OPHN1: variants seen among roughly 807,000 people sequenced by gnomAD.
The protein encoded by OPHN1 is oligophrenin-1.
A neutral mutation model predicts 60.7 loss-of-function variants in OPHN1; 11 were observed. That is an observed-to-expected ratio of 0.18 (90% CI 0.11 to 0.30). The LOEUF (loss-of-function observed/expected upper bound fraction) is 0.30, where lower values mean the gene tolerates loss of function less well. Ranked by LOEUF, OPHN1 falls within the 10% of genes least tolerant of loss-of-function variation. OPHN1 has a pLI of 1.00. For missense variants in OPHN1, 449 were observed against 611.0 expected (o/e 0.73, Z 2.80); for synonymous variants, 226 against 222.6 (o/e 1.02, Z -0.14).
At chrX:68,247,161 A>G (rs2077810265) in intron 5 of OPHN1, among the ~76,000 whole-genome samples, 1 of 111,238 alleles carries the variant, frequency 9.0e-6, no homozygotes, top group Non-Finnish European at 1.9e-5. Context: ...AAGAAGATGT[A>G]TCATCTTCTC....
At chrX:68,424,747 C>T (rs994648386) in intron 2 of OPHN1, among the ~76,000 whole-genome samples, 2 of 111,769 alleles carry the variant, frequency 1.8e-5, no homozygotes, top group Non-Finnish European at 3.8e-5. Context: ...TGGCACCATC[C>T]TCTACTCCCA....
intron 2 of OPHN1, among the ~76,000 whole-genome samples, chrX:68,322,366 C>A (rs2078239612): frequency 8.9e-6 from 1 of 111,751 alleles, no homozygotes; most frequent in Non-Finnish European, 1.9e-5. Flanking sequence ...GCACAAAATC[C>A]TCTACAGGAA....
intron 15 of OPHN1, among the ~76,000 whole-genome samples, chrX:68,153,219 A>G (rs1317864902): frequency 5.5e-5 from 6 of 109,604 alleles, no homozygotes; most frequent in South Asian, 3.9e-4. Context: ...TCAAAAAAAA[A>G]AAAAAAAGAA....
chrX:68,296,938 C>G (rs2078098711), intron 3 of OPHN1, among the ~76,000 whole-genome samples: 1 of 111,043 alleles, frequency 9.0e-6, no homozygotes, highest in African/African-American at 3.3e-5. Context: ...GCTCACACAC[C>G]CTTTTTCCTG....
chrX:68,377,912 G>C (rs1439407833), intron 2 of OPHN1, among the ~76,000 whole-genome samples: 2 of 111,709 alleles, frequency 1.8e-5, no homozygotes, highest in Non-Finnish European at 3.8e-5. Flanking sequence ...TTTCTTTATA[G>C]CAGCATGATT....
chrX:68,192,472 C>CAA (rs11288704), intron 15 of OPHN1, among the ~76,000 whole-genome samples: 8,408 of 89,591 alleles, frequency 0.094, 400 homozygotes, highest in African/African-American at 0.14. Flanking sequence ...GACCCTGTCT[C>CAA]AAAAAAAAAA....
chrX:68,286,421 T>C (rs2078041609), intron 3 of OPHN1, among the ~76,000 whole-genome samples: 1 of 111,376 alleles, frequency 9.0e-6, no homozygotes. Flanking sequence ...TGCCTTAGCC[T>C]TCACTCCTCC....
chrX:68,118,231 T>C (rs2077135693), intron 16 of OPHN1, among the ~76,000 whole-genome samples: 1 of 111,097 alleles, frequency 9.0e-6, no homozygotes, highest in Non-Finnish European at 1.9e-5. Context: ...GGTTTCCTCA[T>C]CTGCAAAACG....
chrX:68,046,212 A>G lies in OPHN1; in HGVS notation c.*960T>C. The G allele has an allele frequency of 8.9e-6, 1 of 111,745 alleles. No homozygotes were observed. The highest frequency in any genetic ancestry group is 1.9e-5 in the Non-Finnish European group (1 of 53,140). The allele number at this position is 111,745 out of a possible 1,213,427, so 9.2% of individuals were successfully genotyped here. A position where few individuals can be genotyped will look rare whatever the true frequency, so the allele number is the denominator to read the frequency against. Reference sequence around the variant, plus strand: ...CTGAGTCCATGGACACTGGGTTAAGAACTGCTTTTTTCAGGAGATAAAAGA... The same window carrying G: ...CTGAGTCCATGGACACTGGGTTAAGGACTGCTTTTTTCAGGAGATAAAAGA... On this transcript the variant is annotated 3_prime_UTR_variant, in exon 25 of 25. Coordinates refer to ENST00000355520, the MANE Select transcript of OPHN1 (RefSeq NM_002547.3).
At chrX:68,192,881 A>C (rs373880151) in intron 15 of OPHN1, 38 bp downstream of exon 15, 74 of 1,024,626 alleles carry the variant, frequency 7.2e-5, no homozygotes, top group Non-Finnish European at 9.5e-5. Flanking sequence ...TAACACATAA[A>C]GTACTCCCAA....
intron 20 of OPHN1, among the ~76,000 whole-genome samples, chrX:68,069,233 T>C (rs2076924253): frequency 8.9e-6 from 1 of 111,754 alleles, no homozygotes; most frequent in African/African-American, 3.3e-5. Flanking sequence ...AATTAGACCT[T>C]CTATCTACTG....
At chrX:68,291,738 A>C (rs2078071644) in intron 3 of OPHN1, among the ~76,000 whole-genome samples, 1 of 110,183 alleles carries the variant, frequency 9.1e-6, no homozygotes, top group African/African-American at 3.3e-5. Context: ...CATATATAGC[A>C]TCAATCTCCA....
intron 2 of OPHN1, among the ~76,000 whole-genome samples, chrX:68,432,587 T>C (rs949827971): frequency 1.8e-5 from 2 of 111,970 alleles, no homozygotes; most frequent in Non-Finnish European, 3.8e-5. Context: ...AGAACAATCA[T>C]CTGCCAAGTA....
At position 68,045,035 on chromosome X, in the gene OPHN1, T is replaced by C. The variant is rs1386898536; in HGVS notation, c.*2137A>G. The C allele has an allele frequency of 9.0e-6, 1 of 111,561 alleles. No homozygotes were observed. Among genetic ancestry groups the C allele is most frequent in the African/African-American group, 3.3e-5 (1 of 30,710 alleles). The allele number at this position is 111,561 out of a possible 1,213,427, so 9.2% of individuals were successfully genotyped here. A position where few individuals can be genotyped will look rare whatever the true frequency, so the allele number is the denominator to read the frequency against. On this transcript the variant is annotated 3_prime_UTR_variant, in exon 25 of 25. Transcript: ENST00000355520. ...CTTTCATGGCCAAAATCTGCACACC[T>C]GTCTGCTTTATTCAGGATAGAGCAG...
At chrX:68,222,159 C>T (rs1459169097) in intron 6 of OPHN1, among the ~76,000 whole-genome samples, 1 of 108,998 alleles carries the variant, frequency 9.2e-6, no homozygotes, top group Non-Finnish European at 1.9e-5. Context: ...ATTTATGCAG[C>T]CAAAAAACAC....
At chrX:68,327,072 G>A (rs1184804993) in intron 2 of OPHN1, among the ~76,000 whole-genome samples, 2 of 34,973 alleles carry the variant, frequency 5.7e-5, no homozygotes, top group Non-Finnish European at 4.1e-5. Context: ...TATCCAGGAG[G>A]TGAGGGGCGC....
chrX:68,070,534 G>A, intron 20 of OPHN1: 2 of 653,151 alleles, frequency 3.1e-6, no homozygotes, highest in Non-Finnish European at 2.6e-6. Context: ...ATATTGCCGA[G>A]AGCATCCACC....
intron 15 of OPHN1, among the ~76,000 whole-genome samples, chrX:68,149,771 T>C (rs1378310386): frequency 9.1e-6 from 1 of 109,553 alleles, no homozygotes; most frequent in Non-Finnish European, 1.9e-5. Context: ...AATTGTCATA[T>C]GATCCTGTAA....
chrX:68,349,544 A>C (rs1442238150), intron 2 of OPHN1, among the ~76,000 whole-genome samples: 15 of 111,951 alleles, frequency 1.3e-4, no homozygotes, highest in Non-Finnish European at 2.8e-4. Context: ...TTGACCCAGC[A>C]ATCCCATTAC....
Sources: allele counts gnomAD v4.1 joint callset (sites outside exome capture counted in the v4.1 genomes callset), GRCh38; gene constraint gnomAD v4.1.1; transcripts MANE v1.5; gene names NCBI Gene and HGNC (gene_info 2026-07-23, HGNC 2026-07-21).